Variants in GGA3 observed in about 807,000 individuals in gnomAD.
The protein encoded by GGA3 is golgi associated, gamma adaptin ear containing, ARF binding protein 3.
In GGA3, 57 loss-of-function variants were observed where a neutral mutation model predicts 77.5. The observed-to-expected ratio is 0.74, with a 90% confidence interval of 0.59 to 0.92. The LOEUF (loss-of-function observed/expected upper bound fraction) is 0.92, where lower values mean the gene tolerates loss of function less well. Ranked by LOEUF, GGA3 falls within the 40% of genes least tolerant of loss-of-function variation. The pLI is 0.00. For missense variants in GGA3, 970 were observed against 914.9 expected, an observed-to-expected ratio of 1.06 and a Z score of -0.78; for synonymous variants, 416 against 383.7, an observed-to-expected ratio of 1.08 and a Z score of -0.98.
chr17:75,240,217 CATT>C (rs1598391534), intron 12 of GGA3, 109 bp from the exon 13 acceptor site: 2 of 1,154,774 alleles, frequency 1.7e-6, no homozygotes, highest in South Asian at 2.8e-5. Flanking sequence ...CGGAGGCACT[CATT>C]GTTCCCCGCT....
At chr17:75,261,935 G>A (rs907472360), upstream of GGA3, 2 of 1,608,862 alleles carry the variant, frequency 1.2e-6, no homozygotes, top group Non-Finnish European at 1.7e-6. Flanking sequence ...GCCCGAGGAT[G>A]GTCGGGCCTG....
Position 75,238,153 on chromosome 17 carries a change from G to A in GGA3, c.*126C>T, listed in dbSNP as rs2076385331. ...TTTGGTTCTCAGCAGAAATGCCCAG[G>A]GCCCCTGTTCCACATCAAAGCTACA... On this transcript the variant is annotated 3_prime_UTR_variant, in exon 17 of 17. Transcript: ENST00000537686. The A allele has an allele frequency of 1.4e-6, 2 of 1,468,044 alleles. No homozygotes were observed. The highest frequency in any genetic ancestry group is 1.4e-5 in the African/African-American group (1 of 70,884). 90.9% of individuals were successfully genotyped at this position (1,468,044 alleles called of 1,614,324 possible).
chr17:75,259,599 CA>C (rs2077275438), intron 1 of GGA3, among the ~76,000 whole-genome samples: 1 of 152,096 alleles, frequency 6.6e-6, no homozygotes, highest in African/African-American at 2.4e-5. Flanking sequence ...TGATTCAACA[CA>C]AGTGCGCTTC....
In GGA3 at chr17:75,237,379, G is replaced by T; in HGVS notation, c.*900C>A. 9.5e-7 allele frequency: 1 copy of T among 1,049,312 alleles called. No homozygotes were observed. The highest frequency in any genetic ancestry group is 1.4e-6 in the Non-Finnish European group (1 of 702,806). 65.0% of individuals were successfully genotyped at this position (1,049,312 alleles called of 1,614,324 possible). On this transcript the variant is annotated 3_prime_UTR_variant, in exon 17 of 17. Transcript: ENST00000537686. Reference sequence around the variant, plus strand: ...TGCCACACCACATGCCATCTGGTGAGAGGAGAGGGAGGCCAAAGCAGTAGG... The same window carrying T: ...TGCCACACCACATGCCATCTGGTGATAGGAGAGGGAGGCCAAAGCAGTAGG...
At chr17:75,255,067 G>C (rs973985015) in intron 1 of GGA3, among the ~76,000 whole-genome samples, 6 of 152,180 alleles carry the variant, frequency 3.9e-5, no homozygotes, top group Admixed American at 1.3e-4. Flanking sequence ...GATCGCCTCG[G>C]AAGCCCCATA....
Position 75,239,779 on chromosome 17 carries a change from C to T in GGA3, c.1583+10G>A, listed in dbSNP as rs1489203628. The T allele has an allele frequency of 1.2e-6, 2 of 1,613,096 alleles. No homozygotes were observed. Among genetic ancestry groups the T allele is most frequent in the African/African-American group, 1.3e-5 (1 of 74,928 alleles). On this transcript the variant is annotated intron_variant, in intron 13 of 16. Coordinates refer to ENST00000537686, the MANE Select transcript of GGA3 (RefSeq NM_138619.4). ...CCCTCAGCAACCCCACATCTCCTCC[C>T]ACTCATTACACTTTGGCCTCTTCTA...
intron 7 of GGA3, 79 bp downstream of exon 7, chr17:75,242,752 C>T (rs2076605705): frequency 8.1e-6 from 10 of 1,238,144 alleles, no homozygotes; most frequent in East Asian, 2.3e-5. Context: ...AAAACAGGCC[C>T]GTGTCCGGGG....
intron 11 of GGA3, 39 bp from the exon 12 acceptor site, chr17:75,240,451 G>C (rs993571776): frequency 2.2e-6 from 3 of 1,376,482 alleles, no homozygotes; most frequent in Non-Finnish European, 3.1e-6. Context: ...AAGAGGCTCT[G>C]AGCTAGGCAG....
intron 1 of GGA3, among the ~76,000 whole-genome samples, chr17:75,251,292 C>A (rs111424887): frequency 0.015 from 2,242 of 150,424 alleles, 29 homozygotes; most frequent in Non-Finnish European, 0.025. Flanking sequence ...AAGTTCCAGA[C>A]ACAGATTTTA....
At chr17:75,258,247 C>A (rs1198103234) in intron 1 of GGA3, among the ~76,000 whole-genome samples, 4 of 152,196 alleles carry the variant, frequency 2.6e-5, no homozygotes, top group Non-Finnish European at 4.4e-5. Context: ...TCACACAAAG[C>A]CTGTTTGGTA....
rs1741249656 is a variant in GGA3, at chr17:75,239,797, C to G, written c.1575G>C (p.Glu525Asp). Reference sequence around the variant, plus strand: ...CTCCTCCCACTCATTACACTTTGGCCTCTTCTAGAAGCTGATCGAGGGCAT... The same window carrying G: ...CTCCTCCCACTCATTACACTTTGGCGTCTTCTAGAAGCTGATCGAGGGCAT... ...HLDALDQLLEEAKVTSGLVKP... is the reference protein window; with the variant it reads ...HLDALDQLLEDAKVTSGLVKP... The change falls in exon 13 of 17, where the codon GAG becomes GAC. Residue 525 changes from glutamate to aspartate, a missense_variant. By Grantham distance (45) the Glu-to-Asp change is conservative (BLOSUM62 2). Transcript: ENST00000537686. The G allele has an allele frequency of 6.2e-7, 1 of 1,613,704 alleles. No homozygotes were observed. The highest frequency in any genetic ancestry group is 8.5e-7 in the Non-Finnish European group (1 of 1,180,032).
In GGA3 at chr17:75,240,027, G is replaced by A. The variant is rs1283590947; in HGVS notation, c.1345C>T (p.Pro449Ser). 3 of 1,552,264 alleles carry A rather than the reference G, an allele frequency of 1.9e-6. No homozygotes were observed. The highest frequency in any genetic ancestry group is 2.6e-6 in the Non-Finnish European group (3 of 1,148,472). The change falls in exon 13 of 17, where the codon CCC becomes TCC. Residue 449 changes from proline (P) to serine (S), a missense_variant. Physicochemically the swap from Pro to Ser is moderately conservative, Grantham distance 74. Transcript: ENST00000537686. ...CGASDAPLLQ[P>S]SAPSSSSSQA... ...GAGCTGCTTGAGGAGGGGGCTGAGGGCTGGAGCAGAGGAGCATCGGAGGCG... is the reference window on the plus strand; with the variant it reads ...GAGCTGCTTGAGGAGGGGGCTGAGGACTGGAGCAGAGGAGCATCGGAGGCG...
chr17:75,251,898 T>C (rs2076979098), intron 1 of GGA3, among the ~76,000 whole-genome samples: 1 of 151,610 alleles, frequency 6.6e-6, no homozygotes, highest in Non-Finnish European at 1.5e-5. Context: ...TCAGCCTAGC[T>C]GGGACCACAG....
In GGA3 at chr17:75,238,922, C is replaced by A; in HGVS notation, c.1942G>T (p.Val648Leu). ...CAGGGAGACACTGGTACCTTGGGCA[C>A]TGCAGCCTGCAGCACGATGCTCTTG... ...PVKSIVLQAA[V>L]PKSMKVKLQP... Residue 648 changes from valine (V) to leucine (L), a missense_variant, in exon 15 of 17, where the codon GTG (valine) becomes TTG (leucine). Val to Leu is a conservative substitution (Grantham distance 32). Coordinates refer to ENST00000537686, the MANE Select transcript of GGA3 (RefSeq NM_138619.4). The A allele has an allele frequency of 6.2e-7, 1 of 1,613,938 alleles. No individual in the cohort carries two copies. The highest frequency in any genetic ancestry group is 8.5e-7 in the Non-Finnish European group (1 of 1,179,890).
In GGA3 at chr17:75,257,917, T is replaced by C. The variant is rs959156685; in HGVS notation, c.40+3631A>G. ...TATGACTTGCACGTACACATCCAGA[T>C]GGCCTGACGTAACTGAAGATCCACA... On this transcript the variant is annotated intron_variant, in intron 1 of 16. Transcript: ENST00000537686. Among the ~76,000 whole-genome samples the C allele has an allele frequency of 4.1e-4, 62 of 152,300 alleles. 1 individual carries two copies. The highest frequency in any genetic ancestry group is 2.1e-4 in the South Asian group (1 of 4,822).
In GGA3 at chr17:75,240,354, C is replaced by A; in HGVS notation, c.1251G>T (p.Trp417Cys). Reference sequence around the variant, plus strand: ...CCTGTGCCCCTACCTGGAGCAGGTGCCACTGGCTGTTCCCAGCTGACTCTT... The same window carrying A: ...CCTGTGCCCCTACCTGGAGCAGGTGACACTGGCTGTTCCCAGCTGACTCTT... ...PPKESAGNSQ[W>C]HLLQREQSDL... is the part of the protein sequence containing the mutation. Residue 417 changes from tryptophan to cysteine, a missense_variant, in exon 12 of 17, where the codon TGG (tryptophan) becomes TGT (cysteine). Physicochemically the swap from Trp to Cys is radical, Grantham distance 215 (BLOSUM62 -2). Transcript: ENST00000537686. The A allele has an allele frequency of 1.3e-6, 2 of 1,594,982 alleles. No individual in the cohort carries two copies. Among genetic ancestry groups the A allele is most frequent in the Non-Finnish European group, 1.7e-6 (2 of 1,170,508 alleles).
intron 7 of GGA3, 100 bp from the exon 8 acceptor site, chr17:75,242,573 C>A: frequency 1.4e-6 from 2 of 1,418,476 alleles, no homozygotes; most frequent in South Asian, 2.4e-5. Context: ...TACAGACGCT[C>A]GGAAGCTCCT....
upstream of GGA3, chr17:75,261,700 C>T (rs2077391683): frequency 8.4e-7 from 1 of 1,189,498 alleles, no homozygotes; most frequent in Non-Finnish European, 1.2e-6. Context: ...CCGAGGGCCG[C>T]GCCAGACTGC....
Position 75,261,563 on chromosome 17 carries a change from G to C in GGA3, c.25C>G (p.Leu9Val). MAEAEGESLESWLNKATNP... is the reference protein window; with the variant it reads MAEAEGESVESWLNKATNP... The stretch of plus-strand genomic sequence containing the variant: ...GGCTACTCACTGAGCCAGGACTCCA[G>C]GCTTTCCCCTTCCGCCTCCGCCATA... Residue 9 changes from leucine (L) to valine (V), a missense_variant, in exon 1 of 17, where the codon CTG becomes GTG. Physicochemically the swap from Leu to Val is conservative, Grantham distance 32. Transcript: ENST00000537686. 2 of 1,556,244 alleles carry C rather than the reference G, an allele frequency of 1.3e-6. No homozygotes were observed. Among genetic ancestry groups the C allele is most frequent in the Admixed American group, 2.0e-5 (1 of 50,262 alleles).
Sources: gnomAD v4.1 joint callset for allele counts (sites outside exome capture counted in the v4.1 genomes callset) on GRCh38, gnomAD v4.1.1 for gene constraint, MANE v1.5 for transcripts, NCBI Gene and HGNC (gene_info 2026-07-23, HGNC 2026-07-21) for gene names.